The following SPAG17 variants were observed in gnomAD, a reference collection of about 807,000 sequenced individuals.
SPAG17 encodes the protein sperm-associated antigen 17.
Under a neutral mutation model 273.6 loss-of-function variants are expected in SPAG17, and 169 were observed. The observed-to-expected ratio is 0.62, with a 90% CI of 0.55 to 0.70. The LOEUF is 0.70. Among genes scored for constraint, SPAG17 ranks in the 30% least tolerant of loss-of-function variants. The pLI is 0.00. For missense variants in SPAG17, 2,557 were observed against 2,627.8 expected (o/e 0.97, Z 0.59); for synonymous variants, 825 against 873.2 (o/e 0.94, Z 0.97).
rs780839075 is a variant in SPAG17 at position 118,086,701 on chromosome 1, A to G, written c.1581T>C (p.Asp527=). The part of the protein sequence containing the change: ...PKGPLLLNYH[D]AHAHKKYALQ... ...GTGCGTACTTCTTGTGGGCGTGTGC[A>G]TCATGATAGTTCAGTAGGAGGGGGC... The change falls in exon 12 of 49, where the codon GAT becomes GAC. Residue 527 remains aspartate, a synonymous_variant. Coordinates refer to ENST00000336338, the MANE Select transcript of SPAG17 (RefSeq NM_206996.4). 4.3e-6 allele frequency: 7 copies of G among 1,614,060 alleles called. No individual in the cohort carries two copies. The East Asian group carries it at 1.3e-4, about 31-fold the overall frequency.
intron 4 of SPAG17, among the ~76,000 whole-genome samples, chr1:118,111,553 A>AAC (rs61266210): frequency 0.075 from 10,139 of 135,814 alleles, 475 homozygotes; most frequent in East Asian, 0.24. Context: ...CTTTTAAAAC[A>AAC]ACACACACAC....
chr1:118,070,658 A>G (rs1316696037), intron 17 of SPAG17, among the ~76,000 whole-genome samples: 3 of 152,236 alleles, frequency 2.0e-5, no homozygotes, highest in African/African-American at 7.2e-5. Context: ...TAGTAGCCAC[A>G]TTTTAAAAAG....
chr1:118,054,313 T>G (rs929880236), intron 19 of SPAG17, among the ~76,000 whole-genome samples: 1 of 152,034 alleles, frequency 6.6e-6, no homozygotes, highest in African/African-American at 2.4e-5. Flanking sequence ...TGCATTCCAT[T>G]CTCAGTGTGT....
At chr1:117,955,408 T>C in intron 48 of SPAG17, 1 of 1,541,954 alleles carries the variant, frequency 6.5e-7, no homozygotes, top group Non-Finnish European at 9.0e-7. Flanking sequence ...CAAACATTTA[T>C]GAAGTGCTTA....
chr1:117,963,797 A>T lies in SPAG17; in HGVS notation c.*2T>A. 6.2e-7 allele frequency: 1 copy of T among 1,610,924 alleles called. No individual in the cohort carries two copies. Among genetic ancestry groups the T allele is most frequent in the Non-Finnish European group, 8.5e-7 (1 of 1,178,120 alleles). On this transcript the variant is annotated splice_donor_variant, in intron 48 of 48. Transcript: ENST00000336338. LOFTEE classifies it low-confidence loss of function (3UTR_SPLICE). ...CAAATTCCCATTTATTACTTACTGTACCTAATGTGGAGAAACTTTACGAGA... is the reference window on the plus strand; with the variant it reads ...CAAATTCCCATTTATTACTTACTGTTCCTAATGTGGAGAAACTTTACGAGA...
chr1:118,133,552 A>C (rs879335936), intron 3 of SPAG17, among the ~76,000 whole-genome samples: 3 of 152,180 alleles, frequency 2.0e-5, no homozygotes, highest in Admixed American at 2.0e-4. Flanking sequence ...ACAAGGAGGC[A>C]AGAAGAGGTT....
chr1:118,146,704 CTTGG>C (rs1659013313), intron 3 of SPAG17, among the ~76,000 whole-genome samples: 1 of 152,100 alleles, frequency 6.6e-6, no homozygotes, highest in African/African-American at 2.4e-5. Flanking sequence ...TGAAAGATTA[CTTGG>C]TTGGTGATAA....
rs115783222 is a variant in SPAG17 at position 118,183,274 on chromosome 1, A to G, written c.87+1797T>C. ...AACTCTCTGGATACTAAAACAATAG[A>G]GCACACTACGTGTGCTCAAAATTCA... is the stretch of plus-strand genomic sequence containing the variant. On this transcript the variant is annotated intron_variant, in intron 1 of 48. Transcript: ENST00000336338. Among the ~76,000 whole-genome samples, 1,455 of 152,328 alleles carry G rather than the reference A, an allele frequency of 9.6e-3. 19 individuals are homozygous for G. Among genetic ancestry groups the G allele is most frequent in the African/African-American group, 0.034 (1,398 of 41,584 alleles).
At position 117,954,008 on chromosome 1, in the gene SPAG17, C is replaced by G; in HGVS notation, c.*42G>C. On this transcript the variant is annotated 3_prime_UTR_variant, in exon 49 of 49. Transcript: ENST00000336338. The stretch of plus-strand genomic sequence containing the variant: ...TCTTTCCTTTCTCATCCTCTGTAGG[C>G]TGAGAGGATTATGGAGGCTATTGAG... 1 of 1,607,884 alleles carries G rather than the reference C, an allele frequency of 6.2e-7. No homozygotes were observed. The highest frequency in any genetic ancestry group is 8.5e-7 in the Non-Finnish European group (1 of 1,176,198).
chr1:118,016,232 A>T (rs772822682), intron 28 of SPAG17, 50 bp from the exon 29 acceptor site: 1 of 1,378,388 alleles, frequency 7.3e-7, no homozygotes, highest in South Asian at 1.2e-5. Flanking sequence ...TATAGTATCA[A>T]TTATATACAT....
chr1:118,074,184 T>C (rs1442201979), intron 16 of SPAG17, among the ~76,000 whole-genome samples: 1 of 152,096 alleles, frequency 6.6e-6, no homozygotes, highest in Admixed American at 6.6e-5. Context: ...ATTTTTATTG[T>C]TAGGTTATAC....
intron 20 of SPAG17, among the ~76,000 whole-genome samples, chr1:118,053,318 C>A (rs779978817): frequency 2.0e-5 from 3 of 151,908 alleles, no homozygotes; most frequent in Non-Finnish European, 2.9e-5. Context: ...TTATTGCATG[C>A]TCATGGGGGT....
At chr1:118,086,844 A>C (rs1655033372) in intron 11 of SPAG17, 27 bp downstream of exon 11, 1 of 1,614,170 alleles carries the variant, frequency 6.2e-7, no homozygotes, top group Non-Finnish European at 8.5e-7. Context: ...CAAAGCATGA[A>C]GACTCTGCTA....
At chr1:118,012,589 A>C (rs1659592848) in intron 29 of SPAG17, among the ~76,000 whole-genome samples, 1 of 152,250 alleles carries the variant, frequency 6.6e-6, no homozygotes, top group South Asian at 2.1e-4. Flanking sequence ...GAAGTTGAGA[A>C]GCTTGCTGAA....
chr1:118,073,816 A>G, intron 17 of SPAG17, 38 bp downstream of exon 17: 2 of 1,421,946 alleles, frequency 1.4e-6, no homozygotes, highest in Non-Finnish European at 1.9e-6. Flanking sequence ...CTCCAGACCT[A>G]TCTGACCGTC....
chr1:118,116,794 T>C (rs1474801203), intron 3 of SPAG17, among the ~76,000 whole-genome samples: 1 of 152,188 alleles, frequency 6.6e-6, no homozygotes, highest in African/African-American at 2.4e-5. Flanking sequence ...ACTAACCAAG[T>C]GTCAGAAATC....
intron 10 of SPAG17, among the ~76,000 whole-genome samples, chr1:118,089,007 A>T (rs1330293005): frequency 1.6e-4 from 24 of 152,220 alleles, no homozygotes; most frequent in Admixed American, 1.6e-3. Flanking sequence ...AACGAACAAG[A>T]CTACATTGTT....
intron 32 of SPAG17, among the ~76,000 whole-genome samples, chr1:118,000,899 C>T (rs1033957941): frequency 2.8e-4 from 43 of 151,832 alleles, no homozygotes; most frequent in Admixed American, 2.6e-3. Context: ...TGTCTTGTGC[C>T]GGTTTTCAAA....
intron 1 of SPAG17, among the ~76,000 whole-genome samples, chr1:118,159,165 C>T (rs374454538): frequency 1.9e-4 from 29 of 152,328 alleles, no homozygotes; most frequent in East Asian, 1.7e-3. Flanking sequence ...AGAGAAAGAG[C>T]GCATTCCTTT....
Sources: allele counts gnomAD v4.1 joint callset (sites outside exome capture counted in the v4.1 genomes callset), GRCh38; gene constraint gnomAD v4.1.1; transcripts MANE v1.5; gene names NCBI Gene and HGNC (gene_info 2026-07-23, HGNC 2026-07-21).